SNX20: variants seen among roughly 807,000 people sequenced by gnomAD.
SNX20 encodes the protein sorting nexin 20.
In SNX20, 21 loss-of-function variants were observed where a neutral mutation model predicts 24.5. That is an observed-to-expected ratio of 0.86 (90% CI 0.61 to 1.23). SNX20 has a LOEUF of 1.23. SNX20 is among the 50% of genes most tolerant of loss of function. The pLI is 0.00. For synonymous variants in SNX20, 206 were observed against 192.8 expected (o/e 1.07, Z -0.57); for missense variants, 433 against 430.8 (o/e 1.00, Z -0.04).
intron 1 of SNX20, among the ~76,000 whole-genome samples, chr16:50,679,144 G>A (rs548409150): frequency 2.1e-4 from 32 of 152,338 alleles, no homozygotes; most frequent in African/African-American, 7.5e-4. Context: ...GTGGAACATA[G>A]AGGTAGAGCT....
intron 3 of SNX20, among the ~76,000 whole-genome samples, chr16:50,675,210 C>T (rs1963154963): frequency 6.6e-6 from 1 of 152,206 alleles, no homozygotes; most frequent in Non-Finnish European, 1.5e-5. Flanking sequence ...AAATTCCATT[C>T]TAACAGGGAG....
intron 1 of SNX20, among the ~76,000 whole-genome samples, chr16:50,679,684 CCCTA>C (rs1179598781): frequency 6.6e-6 from 1 of 152,202 alleles, no homozygotes; most frequent in Non-Finnish European, 1.5e-5. Context: ...GCTTCAGTTT[CCCTA>C]CCTGATAAAT....
downstream of SNX20, chr16:50,671,254 G>A (rs1963044406): frequency 6.6e-6 from 1 of 151,958 alleles, no homozygotes; most frequent in Non-Finnish European, 1.5e-5. Context: ...GAGGCACCTG[G>A]AACACCTCCA....
At chr16:50,678,175 C>G (rs375667143) in intron 1 of SNX20, among the ~76,000 whole-genome samples, 8 of 152,282 alleles carry the variant, frequency 5.3e-5, no homozygotes, top group East Asian at 3.9e-4. Context: ...GCACTCCAGT[C>G]TGGGTGACAG....
intron 1 of SNX20, among the ~76,000 whole-genome samples, chr16:50,680,434 C>T (rs562070697): frequency 1.2e-4 from 18 of 152,140 alleles, no homozygotes; most frequent in Non-Finnish European, 1.8e-4. Context: ...GCCTTCCAGC[C>T]GTGTGTGCAC....
downstream of SNX20, chr16:50,668,230 T>C (rs1962960940): frequency 6.3e-6 from 9 of 1,439,926 alleles, no homozygotes; most frequent in South Asian, 5.9e-5. Flanking sequence ...TGATCAGCGC[T>C]ACGTGGTGAG....
chr16:50,668,110 C>A, downstream of SNX20: 1 of 1,551,344 alleles, frequency 6.4e-7, no homozygotes, highest in Non-Finnish European at 8.7e-7. Flanking sequence ...AGCTGGAGAG[C>A]ACACAGGGCT....
chr16:50,677,366 C>A, intron 2 of SNX20, 31 bp downstream of exon 2: 1 of 1,546,922 alleles, frequency 6.5e-7, no homozygotes. Flanking sequence ...CAGACCTCTC[C>A]CCCAGACCGA....
chr16:50,673,865 GTAC>G lies in SNX20; in HGVS notation c.489_491del (p.Glu163_Tyr164delinsAsp). On this transcript the variant is annotated inframe_deletion, in exon 4 of 4. Transcript: ENST00000330943. The surrounding 1 kb of genome is among the most constrained non-coding windows in gnomAD (Gnocchi z 4.1). ...AGCGGATGGCGTAGAGCAGGCCCAG[GTAC>G]TCCTGCAGGGCGCGCCGACGCTCAC... The G allele has an allele frequency of 6.2e-7, 1 of 1,606,236 alleles. No homozygotes were observed. Among genetic ancestry groups the G allele is most frequent in the Non-Finnish European group, 8.5e-7 (1 of 1,179,526 alleles).
intron 1 of SNX20, among the ~76,000 whole-genome samples, chr16:50,677,959 C>T (rs931328694): frequency 1.1e-4 from 16 of 152,092 alleles, no homozygotes; most frequent in African/African-American, 2.2e-4. Flanking sequence ...GTAATCCCAG[C>T]GCTTTGGGAG....
intron 1 of SNX20, among the ~76,000 whole-genome samples, chr16:50,678,858 CA>C (rs778380484): frequency 1.3e-5 from 2 of 152,332 alleles, no homozygotes; most frequent in Non-Finnish European, 1.5e-5. Context: ...TTCAGTCAGG[CA>C]GACTCTGAAG....
Position 50,675,889 on chromosome 16 carries a change from T to G in SNX20, c.163A>C (p.Met55Leu), listed in dbSNP as rs1357747322. 2 of 1,611,648 alleles carry G rather than the reference T, an allele frequency of 1.2e-6. No homozygotes were observed. The highest frequency in any genetic ancestry group is 1.1e-5 in the South Asian group (1 of 90,838). ...TACTGCTGAAGCTCCCGCGTGGTCA[T>G]GCTGGAGTTGGAGCTCAGGCCACTG... ...THSGLSSNSS[M>L]TTRELQQYWQ... The change falls in exon 3 of 4, where the codon ATG becomes CTG. Residue 55 changes from methionine to leucine, a missense_variant. Met to Leu is a conservative substitution (Grantham distance 15). Transcript: ENST00000330943.
rs1194263254 is a variant in SNX20, at chr16:50,673,205, G to T, written c.*201C>A. 1.1e-6 allele frequency: 1 copy of T among 887,008 alleles called. No homozygotes were observed. Among genetic ancestry groups the T allele is most frequent in the African/African-American group, 1.8e-5 (1 of 57,042 alleles). 54.9% of individuals were successfully genotyped at this position (887,008 alleles called of 1,614,324 possible). A position where few individuals can be genotyped will look rare whatever the true frequency, so the allele number is the denominator to read the frequency against. Reference sequence around the variant, plus strand: ...AATCCCAGCTACTTGGGAGGCTGAGGTGGGAGGATTGCTTGTGCCCAGGAG... The same window carrying T: ...AATCCCAGCTACTTGGGAGGCTGAGTTGGGAGGATTGCTTGTGCCCAGGAG... On this transcript the variant is annotated 3_prime_UTR_variant, in exon 4 of 4. Coordinates refer to ENST00000330943, the MANE Select transcript of SNX20 (RefSeq NM_182854.4). The surrounding 1 kb of genome is among the most constrained non-coding windows in gnomAD (Gnocchi z 4.1).
At chr16:50,678,816 CAG>C (rs1269204604) in intron 1 of SNX20, among the ~76,000 whole-genome samples, 2 of 152,212 alleles carry the variant, frequency 1.3e-5, no homozygotes, top group Non-Finnish European at 2.9e-5. Context: ...GGGATAATAA[CAG>C]AACCCACGTT....
At chr16:50,674,229 GTTTATTTATTTATTTATTTA>G (rs752759802) in intron 3 of SNX20, among the ~76,000 whole-genome samples, 155 bp from the exon 4 acceptor site, 1 of 131,090 alleles carries the variant, frequency 7.6e-6, no homozygotes, top group Non-Finnish European at 1.5e-5. Flanking sequence ...TTGTTTGTTT[GTTTATTTATTTATTTATTTA>G]TTTATTTATT....
intron 1 of SNX20, 98 bp from the exon 2 acceptor site, chr16:50,677,633 G>A: frequency 7.8e-7 from 1 of 1,276,192 alleles, no homozygotes; most frequent in Non-Finnish European, 1.0e-6. Context: ...CCTCCTGGCA[G>A]GCAGAGGGAA....
exon 4 of SNX20, chr16:50,666,426 G>A (rs1448211204): frequency 6.6e-6 from 1 of 152,360 alleles, no homozygotes; most frequent in Non-Finnish European, 1.5e-5. Flanking sequence ...TGCCATAAGA[G>A]TGCACACAAA....
downstream of SNX20, chr16:50,670,871 A>C (rs567215393): frequency 3.5e-4 from 54 of 152,338 alleles, no homozygotes; most frequent in Admixed American, 3.5e-3. Flanking sequence ...GGCAGCATTG[A>C]GTGTCATCGG....
At chr16:50,674,222 TTTG>T in intron 3 of SNX20, 148 bp from the exon 4 acceptor site, 1 of 920,550 alleles carries the variant, frequency 1.1e-6, no homozygotes. Flanking sequence ...TGTTTGTTTG[TTTG>T]TTTGTTTATT....
Sources: gnomAD v4.1 joint callset for allele counts (sites outside exome capture counted in the v4.1 genomes callset) on GRCh38, gnomAD v4.1.1 for gene constraint, Gnocchi (gnomAD v3.1) non-coding constraint, MANE v1.5 for transcripts, NCBI Gene and HGNC (gene_info 2026-07-23, HGNC 2026-07-21) for gene names.